The following FMN1 variants were observed in gnomAD, a reference collection of about 807,000 sequenced individuals.
FMN1 encodes formin 1, also known as formin-1.
Under a neutral mutation model 132.4 loss-of-function variants are expected in FMN1, and 110 were observed. The ratio of observed to expected loss-of-function variants is 0.83; its 90% CI spans 0.71 to 0.97. FMN1 has a LOEUF of 0.97. Among genes scored for constraint, FMN1 ranks in the 50% least tolerant of loss-of-function variants. The pLI is 0.00. For missense variants in FMN1, 1,792 were observed against 1,705.3 expected, an observed-to-expected ratio of 1.05 and a Z score of -0.90; for synonymous variants, 722 against 651.7, an observed-to-expected ratio of 1.11 and a Z score of -1.64.
At chr15:33,091,385 C>G (rs1164564133) in intron 4 of FMN1, among the ~76,000 whole-genome samples, 1 of 152,146 alleles carries the variant, frequency 6.6e-6, no homozygotes, top group Non-Finnish European at 1.5e-5. Context: ...TCACTCTCTA[C>G]GCAGAGCAAA....
intron 8 of FMN1, among the ~76,000 whole-genome samples, chr15:32,966,380 A>G (rs1221324310): frequency 6.6e-6 from 1 of 152,148 alleles, no homozygotes; most frequent in Non-Finnish European, 1.5e-5. Flanking sequence ...TGGGACAGCC[A>G]GCATTTGGTA....
At position 33,008,092 on chromosome 15, in the gene FMN1, G is replaced by T; in HGVS notation, c.2162-17C>A. 6.3e-7 allele frequency: 1 copy of T among 1,575,258 alleles called. No homozygotes were observed. The highest frequency in any genetic ancestry group is 8.6e-7 in the Non-Finnish European group (1 of 1,156,730). On this transcript the variant is annotated splice_polypyrimidine_tract_variant and intron_variant, in intron 6 of 20. Transcript: ENST00000616417. ...CTTGGTATTCTGTAAAATCAAAAAA[G>T]AGGCCAATTATAAAGAAGTACAAAA...
intron 4 of FMN1, among the ~76,000 whole-genome samples, chr15:33,125,217 T>C (rs560069325): frequency 7.3e-5 from 10 of 137,844 alleles, no homozygotes; most frequent in Non-Finnish European, 1.3e-4. Flanking sequence ...GGTCACCTAA[T>C]TTTTGTCTTC....
chr15:32,879,434 C>A (rs1301695563), intron 16 of FMN1, among the ~76,000 whole-genome samples: 1 of 152,222 alleles, frequency 6.6e-6, no homozygotes, highest in Non-Finnish European at 1.5e-5. Flanking sequence ...CAAGTCATGT[C>A]TTCTGGAGCT....
chr15:32,968,103 C>CT (rs968308696), intron 8 of FMN1, among the ~76,000 whole-genome samples: 2 of 152,224 alleles, frequency 1.3e-5, no homozygotes, highest in Non-Finnish European at 2.9e-5. Context: ...CATACTGACA[C>CT]TTTCTCTGAA....
chr15:33,066,017 C>T (rs772504956), intron 5 of FMN1, among the ~76,000 whole-genome samples: 16 of 152,190 alleles, frequency 1.1e-4, no homozygotes, highest in Non-Finnish European at 2.2e-4. Context: ...AAACCCAGGT[C>T]TCATTCTAAA....
chr15:32,773,658 GT>G lies in FMN1; in HGVS notation c.*651del, dbSNP rs2056322413. 1 of 152,236 alleles carries G rather than the reference GT, an allele frequency of 6.6e-6. No individual in the cohort carries two copies. The highest frequency in any genetic ancestry group is 6.6e-5 in the Admixed American group (1 of 15,266). 9.4% of individuals were successfully genotyped at this position (152,236 alleles called of 1,614,324 possible). On this transcript the variant is annotated 3_prime_UTR_variant, in exon 21 of 21. Coordinates refer to ENST00000616417, the MANE Select transcript of FMN1 (RefSeq NM_001277313.2). ...ATGGTAACTTGTTCTCCAGGATGAA[GT>G]TTATGGCTATTTGTCTCCCTCTCTC...
At chr15:32,916,920 T>G (rs1276293120) in intron 10 of FMN1, among the ~76,000 whole-genome samples, 1 of 151,908 alleles carries the variant, frequency 6.6e-6, no homozygotes, top group Non-Finnish European at 1.5e-5. Context: ...AGGACTTGGT[T>G]TTTTGAAACT....
At chr15:32,970,198 ACT>A (rs541899377) in intron 7 of FMN1, among the ~76,000 whole-genome samples, 242 of 152,300 alleles carry the variant, frequency 1.6e-3, no homozygotes, top group African/African-American at 5.2e-3. Flanking sequence ...ATTTTAATGC[ACT>A]GAGTCTGTAA....
intron 17 of FMN1, among the ~76,000 whole-genome samples, chr15:32,810,665 A>C (rs2057844013): frequency 6.6e-6 from 1 of 152,240 alleles, no homozygotes; most frequent in African/African-American, 2.4e-5. Flanking sequence ...CATTCATACA[A>C]TGAGAGTGGC....
intron 3 of FMN1, among the ~76,000 whole-genome samples, chr15:33,177,282 A>C (rs1965546381): frequency 6.6e-6 from 1 of 152,132 alleles, no homozygotes; most frequent in Admixed American, 6.5e-5. Flanking sequence ...AGGCCTACTC[A>C]TTTACTAATT....
At chr15:33,076,432 C>T (rs142207912) in intron 5 of FMN1, among the ~76,000 whole-genome samples, 1 of 152,184 alleles carries the variant, frequency 6.6e-6, no homozygotes, top group East Asian at 1.9e-4. Context: ...TAAAAGTTAT[C>T]TTGAGAATAT....
intron 4 of FMN1, among the ~76,000 whole-genome samples, chr15:33,134,791 C>T (rs1051428108): frequency 6.6e-6 from 1 of 152,210 alleles, no homozygotes; most frequent in African/African-American, 2.4e-5. Flanking sequence ...TACCTGAGGT[C>T]AGATGTTCAA....
At chr15:32,966,016 G>C (rs1043942174) in intron 8 of FMN1, among the ~76,000 whole-genome samples, 3 of 152,122 alleles carry the variant, frequency 2.0e-5, no homozygotes, top group Non-Finnish European at 4.4e-5. Context: ...GAAGAAGGAA[G>C]TCAGCTGGGA....
At chr15:33,025,877 C>T (rs1299549923) in intron 6 of FMN1, among the ~76,000 whole-genome samples, 3 of 152,044 alleles carry the variant, frequency 2.0e-5, no homozygotes, top group East Asian at 3.9e-4. Context: ...TTGAAAGTAA[C>T]GGGAAAACTT....
chr15:32,974,057 A>G (rs2140704926), intron 7 of FMN1, among the ~76,000 whole-genome samples: 1 of 152,330 alleles, frequency 6.6e-6, no homozygotes, highest in South Asian at 2.1e-4. Context: ...CTTACAAAGG[A>G]AACTACAGAT....
chr15:33,122,189 A>AGGTC (rs1962626871), intron 4 of FMN1, among the ~76,000 whole-genome samples: 1 of 152,258 alleles, frequency 6.6e-6, no homozygotes, highest in African/African-American at 2.4e-5. Context: ...TGAAACCTAA[A>AGGTC]AGATTGAAAA....
chr15:33,121,585 G>C (rs1435836269), intron 4 of FMN1, among the ~76,000 whole-genome samples: 2 of 152,202 alleles, frequency 1.3e-5, no homozygotes, highest in Non-Finnish European at 2.9e-5. Flanking sequence ...GTAGAGTGCA[G>C]TGGCGCAATC....
At position 33,088,707 on chromosome 15, in the gene FMN1, G is replaced by T. The variant is rs922214369; in HGVS notation, c.2043+92C>A. The T allele has an allele frequency of 1.9e-5, 22 of 1,130,504 alleles. No homozygotes were observed. In the African/African-American group the frequency reaches 3.3e-4, roughly 17 times the overall value. The allele number at this position is 1,130,504 out of a possible 1,614,324, so 70.0% of individuals were successfully genotyped here. ...AACAATGATCCATACATTAAATGCA[G>T]CTTTATATACACAATTTACATTAAA... On this transcript the variant is annotated intron_variant, in intron 5 of 20. Transcript: ENST00000616417.
Sources: allele counts gnomAD v4.1 joint callset (sites outside exome capture counted in the v4.1 genomes callset), GRCh38; gene constraint gnomAD v4.1.1; transcripts MANE v1.5; gene names NCBI Gene and HGNC (gene_info 2026-07-23, HGNC 2026-07-21).